Variants in DNAH14 observed in about 807,000 individuals in gnomAD.
DNAH14 encodes dynein axonemal heavy chain 14.
Under a neutral mutation model 520.9 loss-of-function variants are expected in DNAH14, and 478 were observed. The observed-to-expected ratio is 0.92, with a 90% confidence interval of 0.85 to 0.99. DNAH14 has a LOEUF of 0.99. Among genes scored for constraint, DNAH14 ranks in the 50% least tolerant of loss-of-function variants. The pLI is 0.00. For missense variants in DNAH14, 4,831 were observed against 5,234.5 expected (o/e 0.92, Z 2.38); for synonymous variants, 1,581 against 1,757.2 (o/e 0.90, Z 2.51).
At chr1:224,933,240 T>C (rs1418939040) in intron 1 of DNAH14, among the ~76,000 whole-genome samples, 1 of 152,126 alleles carries the variant, frequency 6.6e-6, no homozygotes, top group East Asian at 1.9e-4. Context: ...TCATTATTAG[T>C]GTATAGAAAT....
intron 17 of DNAH14, among the ~76,000 whole-genome samples, chr1:225,074,245 T>C (rs922480709): frequency 3.9e-5 from 6 of 152,030 alleles, no homozygotes; most frequent in Non-Finnish European, 4.4e-5. Flanking sequence ...GTGATCCGCC[T>C]GCCTCGGCCT....
chr1:224,946,019 C>T (rs942200731), intron 1 of DNAH14, among the ~76,000 whole-genome samples: 2 of 152,266 alleles, frequency 1.3e-5, no homozygotes, highest in Admixed American at 1.3e-4. Context: ...TCAAAGCTGT[C>T]AGACAGGGAC....
chr1:225,147,815 A>G (rs190889037), intron 31 of DNAH14, among the ~76,000 whole-genome samples: 29 of 152,232 alleles, frequency 1.9e-4, no homozygotes, highest in Admixed American at 1.4e-3. Context: ...AGGCCCTAGT[A>G]TCAGTTGTTC....
chr1:224,948,364 C>A (rs2059975377), intron 1 of DNAH14, among the ~76,000 whole-genome samples: 1 of 151,078 alleles, frequency 6.6e-6, no homozygotes, highest in Non-Finnish European at 1.5e-5. Context: ...GCTTGAGTAC[C>A]TTTTTTCTGA....
chr1:225,009,338 C>T (rs2064485489), intron 10 of DNAH14, among the ~76,000 whole-genome samples: 1 of 152,144 alleles, frequency 6.6e-6, no homozygotes, highest in Admixed American at 6.5e-5. Flanking sequence ...GCCAGTTTTC[C>T]CAACACTTTT....
intron 37 of DNAH14, among the ~76,000 whole-genome samples, chr1:225,188,690 G>T (rs1471447402): frequency 1.3e-5 from 2 of 151,848 alleles, no homozygotes; most frequent in African/African-American, 4.8e-5. Context: ...AATTCCATAT[G>T]AATTTAAGGA....
At chr1:224,968,343 A>ACAT (rs1344142456) in intron 6 of DNAH14, among the ~76,000 whole-genome samples, 35 of 147,840 alleles carry the variant, frequency 2.4e-4, no homozygotes, top group African/African-American at 9.4e-4. Flanking sequence ...AAGGGCATGT[A>ACAT]GTTTTTGAAT....
Position 225,360,622 on chromosome 1 carries a change from T to A in DNAH14, c.11777-59T>A, listed in dbSNP as rs575305956. On this transcript the variant is annotated intron_variant, in intron 74 of 85. Coordinates refer to ENST00000682510, the MANE Select transcript of DNAH14 (RefSeq NM_001367479.1). ...TACTCAATAAATGCTGGATTGTGAT[T>A]TTTAAAAGGGAATTAAATGAGCTTA... The A allele has an allele frequency of 6.1e-5, 87 of 1,420,450 alleles. No individual in the cohort carries two copies. In the African/African-American group the frequency reaches 1.1e-3, roughly 18 times the overall value. The allele number at this position is 1,420,450 out of a possible 1,614,324, so 88.0% of individuals were successfully genotyped here.
Position 225,079,195 on chromosome 1 carries a change from T to C in DNAH14, c.2425-12T>C, listed in dbSNP as rs2072805387. The C allele has an allele frequency of 6.6e-7, 1 of 1,525,512 alleles. No homozygotes were observed. 94.5% of individuals were successfully genotyped at this position (1,525,512 alleles called of 1,614,324 possible). ...AGTCATTACACAATTATAATTGACA[T>C]GTTGATTTCAGGTTGTGGAATCATC... On this transcript the variant is annotated splice_polypyrimidine_tract_variant and intron_variant, in intron 17 of 85. Coordinates refer to ENST00000682510, the MANE Select transcript of DNAH14 (RefSeq NM_001367479.1).
chr1:225,035,677 T>C (rs1288858172), intron 11 of DNAH14, among the ~76,000 whole-genome samples: 1 of 152,154 alleles, frequency 6.6e-6, no homozygotes, highest in Admixed American at 6.5e-5. Flanking sequence ...TTTTGTTTTG[T>C]TTTGTTTGTG....
Position 225,207,333 on chromosome 1 carries a change from A to G in DNAH14, c.6439+113A>G, listed in dbSNP as rs980392477. On this transcript the variant is annotated intron_variant, in intron 41 of 85. Transcript: ENST00000682510. The stretch of plus-strand genomic sequence containing the variant: ...TTCAAAGAGCAGGCATTTTTAGTCT[A>G]TTTGGACCAACAGCAGATATGCACA... 5.2e-6 allele frequency: 6 copies of G among 1,148,392 alleles called. No homozygotes were observed. The South Asian group carries it at 1.2e-4, about 23-fold the overall frequency. 71.1% of individuals were successfully genotyped at this position (1,148,392 alleles called of 1,614,324 possible).
At chr1:225,324,947 GATTA>G (rs2094626249) in intron 64 of DNAH14, 115 bp downstream of exon 64, 2 of 585,820 alleles carry the variant, frequency 3.4e-6, no homozygotes, top group Non-Finnish European at 5.3e-6. Context: ...GTAGTGAAAA[GATTA>G]ATTGTGAGGA....
chr1:224,976,195 A>G (rs898114279), intron 8 of DNAH14, among the ~76,000 whole-genome samples: 1 of 152,028 alleles, frequency 6.6e-6, no homozygotes, highest in Non-Finnish European at 1.5e-5. Context: ...AAAAAAATGT[A>G]TATTCTGTTG....
intron 57 of DNAH14, among the ~76,000 whole-genome samples, chr1:225,304,433 C>G (rs1189230262): frequency 6.6e-6 from 1 of 152,020 alleles, no homozygotes; most frequent in African/African-American, 2.4e-5. Flanking sequence ...TGGCACACAT[C>G]TGTAGTCCCA....
At chr1:225,273,175 G>T in intron 52 of DNAH14, 50 bp downstream of exon 52, 1 of 1,499,962 alleles carries the variant, frequency 6.7e-7, no homozygotes, top group Non-Finnish European at 8.9e-7. Context: ...GCTTACGCCT[G>T]TAATCCCAGC....
intron 41 of DNAH14, among the ~76,000 whole-genome samples, chr1:225,209,421 T>C (rs2088035253): frequency 6.6e-6 from 1 of 151,682 alleles, no homozygotes; most frequent in Non-Finnish European, 1.5e-5. Flanking sequence ...AGGTTCATGG[T>C]GGGAACAGGG....
chr1:225,309,613 G>A (rs1207984858), intron 60 of DNAH14, among the ~76,000 whole-genome samples: 1 of 152,164 alleles, frequency 6.6e-6, no homozygotes, highest in Non-Finnish European at 1.5e-5. Context: ...ATGAGTAAGG[G>A]GCCGAGCGGG....
intron 16 of DNAH14, 77 bp from the exon 17 acceptor site, chr1:225,051,374 A>G (rs1472231844): frequency 9.3e-7 from 1 of 1,073,076 alleles, no homozygotes; most frequent in Non-Finnish European, 1.3e-6. Flanking sequence ...ATTTTGTCAG[A>G]AACTATTAGC....
chr1:225,268,947 A>G (rs977016876), intron 49 of DNAH14, among the ~76,000 whole-genome samples: 42 of 152,328 alleles, frequency 2.8e-4, no homozygotes, highest in African/African-American at 9.9e-4. Context: ...CAAGCTACCA[A>G]TGACTTTCTT....
Sources: gnomAD v4.1 joint callset for allele counts (sites outside exome capture counted in the v4.1 genomes callset) on GRCh38, gnomAD v4.1.1 for gene constraint, MANE v1.5 for transcripts, NCBI Gene and HGNC (gene_info 2026-07-23, HGNC 2026-07-21) for gene names.